Variants in FAT3 observed in about 807,000 individuals in gnomAD.
FAT3 encodes the protein protocadherin Fat 3.
In FAT3, 95 loss-of-function variants were observed where a neutral mutation model predicts 310.2. The observed-to-expected ratio is 0.31, with a 90% CI of 0.26 to 0.36. FAT3 has a LOEUF of 0.36. Ranked by LOEUF, FAT3 falls within the 10% of genes least tolerant of loss-of-function variation. FAT3 has a pLI of 1.00. For synonymous variants in FAT3, 2,314 were observed against 2,192.9 expected (o/e 1.06, Z -1.54); for missense variants, 5,408 against 5,715.6 (o/e 0.95, Z 1.74).
rs1555058203 is a variant in FAT3, at chr11:92,478,948, C to CTTTTCTTTTCTTTTCTTTTCT, written c.3293-45683_3293-45682insTCTTTTCTTTTCTTTTCTTTT. ...TTTCTTTCCTTCTCTTTCTTTCTTT[C>CTTTTCTTTTCTTTTCTTTTCT]TTTCTTTTCTTTTCTTTTCTTTTCT... is the stretch of plus-strand genomic sequence containing the variant. On this transcript the variant is annotated intron_variant, in intron 2 of 27. Coordinates refer to ENST00000525166, the MANE Select transcript of FAT3 (RefSeq NM_001367949.2). Among the ~76,000 whole-genome samples, 461 of 114,520 alleles carry CTTTTCTTTTCTTTTCTTTTCT rather than the reference C, an allele frequency of 4.0e-3. 9 individuals are homozygous for CTTTTCTTTTCTTTTCTTTTCT. The highest frequency in any genetic ancestry group is 0.015 in the African/African-American group (420 of 27,176). 75.1% of individuals were successfully genotyped at this position (114,520 alleles called of 152,430 possible).
At chr11:92,714,029 C>CTT (rs965816663) in intron 4 of FAT3, among the ~76,000 whole-genome samples, 1 of 151,954 alleles carries the variant, frequency 6.6e-6, no homozygotes, top group Admixed American at 6.6e-5. Flanking sequence ...AGGAGACTCT[C>CTT]TAACAAGTCT....
intron 1 of FAT3, among the ~76,000 whole-genome samples, chr11:92,244,488 G>A (rs1333215415): frequency 6.6e-6 from 1 of 152,108 alleles, no homozygotes; most frequent in African/African-American, 2.4e-5. Context: ...AAAAGAGCTT[G>A]CAGGTAGAAA....
intron 2 of FAT3, among the ~76,000 whole-genome samples, chr11:92,358,047 C>G (rs1948781851): frequency 6.6e-6 from 1 of 151,380 alleles, no homozygotes; most frequent in African/African-American, 2.4e-5. Flanking sequence ...GTGGTGCACG[C>G]CTGTAGTCAC....
At chr11:92,635,025 A>T (rs1941710075) in intron 3 of FAT3, among the ~76,000 whole-genome samples, 1 of 152,190 alleles carries the variant, frequency 6.6e-6, no homozygotes, top group African/African-American at 2.4e-5. Flanking sequence ...GAAACTGGCC[A>T]TGCTGATACC....
chr11:92,516,483 A>C (rs548286021), intron 2 of FAT3, among the ~76,000 whole-genome samples: 1 of 152,114 alleles, frequency 6.6e-6, no homozygotes, highest in South Asian at 2.1e-4. Flanking sequence ...TTGAGGGAAC[A>C]TATCTCAAAA....
intron 1 of FAT3, among the ~76,000 whole-genome samples, chr11:92,233,109 T>G (rs1864258101): frequency 2.6e-5 from 4 of 152,330 alleles, no homozygotes; most frequent in Admixed American, 2.6e-4. Flanking sequence ...CTGAAAGAAC[T>G]GCAGTTAGTA....
At chr11:92,744,174 A>G (rs1945586126) in intron 4 of FAT3, among the ~76,000 whole-genome samples, 1 of 152,212 alleles carries the variant, frequency 6.6e-6, no homozygotes, top group Non-Finnish European at 1.5e-5. Context: ...GTTCTAAACT[A>G]TGATATGGAT....
In FAT3 at chr11:92,496,672, G is replaced by A. The variant is rs574983354; in HGVS notation, c.3293-27962G>A. On this transcript the variant is annotated intron_variant, in intron 2 of 27. Coordinates refer to ENST00000525166, the MANE Select transcript of FAT3 (RefSeq NM_001367949.2). ...GTAATTCTGTCTCTAGGGCAGTGGT[G>A]GGGACACTGTGGACACTTACTAATT... 6.0e-4 allele frequency among the ~76,000 whole-genome samples: 91 copies of A among 152,094 alleles called. 2 individuals are homozygous for A. The highest frequency in any genetic ancestry group is 5.8e-3 in the Admixed American group (89 of 15,248).
intron 3 of FAT3, among the ~76,000 whole-genome samples, chr11:92,572,893 TG>T (rs1193284540): frequency 1.3e-5 from 2 of 152,182 alleles, no homozygotes; most frequent in African/African-American, 4.8e-5. Flanking sequence ...CATAAGAAGA[TG>T]GTGCCTAGAA....
chr11:92,798,739 A>T lies in FAT3; in HGVS notation c.5726A>T (p.Asp1909Val), dbSNP rs1717930408. Residue 1909 changes from aspartate (D) to valine (V), a missense_variant, in exon 10 of 28, where the codon GAT becomes GTT. Around this residue, in one of 5 missense-constraint regions of FAT3, gnomAD observed 4,588 missense variants for 4,809.8 expected, o/e 0.95. Transcript: ENST00000525166. ...GAGGTTCTGAAAGTTAGTGCCACAGATCCTGACTCTGAGGTACCCCCTGAA... is the reference window on the plus strand; with the variant it reads ...GAGGTTCTGAAAGTTAGTGCCACAGTTCCTGACTCTGAGGTACCCCCTGAA... The part of the protein sequence containing the change: ...GVEVLKVSAT[D>V]PDSEVPPELT... 6.2e-7 allele frequency: 1 copy of T among 1,613,818 alleles called. No individual in the cohort carries two copies. The highest frequency in any genetic ancestry group is 8.5e-7 in the Non-Finnish European group (1 of 1,179,822).
At chr11:92,320,459 G>A (rs543730530) in intron 1 of FAT3, among the ~76,000 whole-genome samples, 1 of 152,152 alleles carries the variant, frequency 6.6e-6, no homozygotes, top group African/African-American at 2.4e-5. Context: ...TAGGTAACAA[G>A]TTCACTAGTT....
intron 9 of FAT3, among the ~76,000 whole-genome samples, chr11:92,793,971 A>G (rs1391048857): frequency 6.6e-6 from 1 of 152,196 alleles, no homozygotes; most frequent in African/African-American, 2.4e-5. Flanking sequence ...ATGATAACTT[A>G]GAACTATTTC....
At position 92,659,331 on chromosome 11, in the gene FAT3, T is replaced by C. The variant is rs565170885; in HGVS notation, c.3608-38053T>C. ...GAAGAATAGAACTCAGGGAATAAAA[T>C]AATACAGGTCCCCATTGTAATATGA... On this transcript the variant is annotated intron_variant, in intron 3 of 27. Coordinates refer to ENST00000525166, the MANE Select transcript of FAT3 (RefSeq NM_001367949.2). Among the ~76,000 whole-genome samples, 9 of 152,298 alleles carry C rather than the reference T, an allele frequency of 5.9e-5. No individual in the cohort carries two copies. The South Asian group carries it at 8.3e-4, about 14-fold the overall frequency.
intron 2 of FAT3, among the ~76,000 whole-genome samples, chr11:92,463,829 A>G (rs1016279011): frequency 9.2e-5 from 14 of 152,204 alleles, no homozygotes; most frequent in African/African-American, 3.4e-4. Flanking sequence ...CTTGAATTGC[A>G]GTTCTCCGAC....
chr11:92,432,778 T>C (rs1230743084), intron 2 of FAT3, among the ~76,000 whole-genome samples: 1 of 152,196 alleles, frequency 6.6e-6, no homozygotes, highest in Non-Finnish European at 1.5e-5. Context: ...GGAGATCTGC[T>C]GCCCTCTTCA....
At chr11:92,879,065 A>G (rs890402172) in intron 22 of FAT3, among the ~76,000 whole-genome samples, 34 of 152,136 alleles carry the variant, frequency 2.2e-4, no homozygotes, top group African/African-American at 8.0e-4. Context: ...GAAAAAAAAA[A>G]CAAGTTACAT....
intron 2 of FAT3, among the ~76,000 whole-genome samples, chr11:92,480,691 G>A (rs1384167919): frequency 6.6e-6 from 1 of 152,090 alleles, no homozygotes; most frequent in Admixed American, 6.5e-5. Context: ...GAAAGTGGAA[G>A]CAATGCACAT....
intron 1 of FAT3, among the ~76,000 whole-genome samples, chr11:92,296,901 A>G (rs1489835002): frequency 1.3e-5 from 2 of 152,068 alleles, no homozygotes; most frequent in African/African-American, 4.8e-5. Flanking sequence ...GTGCCATTTA[A>G]ACAACATAGT....
Position 92,890,837 on chromosome 11 carries a change from A to C in FAT3, c.13494A>C (p.Pro4498=), listed in dbSNP as rs1285401254. The change falls in exon 28 of 28, where the codon CCA becomes CCC. Residue 4498 remains proline, a synonymous_variant. Transcript: ENST00000525166. ...FHPSQYLPPH[P]FPNETDLVGP... Reference sequence around the variant, plus strand: ...CTAGCCAGTATCTCCCTCCTCACCCATTCCCCAACGAAACGGATTTGGTGG... The same window carrying C: ...CTAGCCAGTATCTCCCTCCTCACCCCTTCCCCAACGAAACGGATTTGGTGG... 1 of 1,612,730 alleles carries C rather than the reference A, an allele frequency of 6.2e-7. No homozygotes were observed. The highest frequency in any genetic ancestry group is 1.1e-5 in the South Asian group (1 of 91,028).
Sources: gnomAD v4.1 joint callset for allele counts (sites outside exome capture counted in the v4.1 genomes callset) on GRCh38, gnomAD v4.1.1 for gene constraint, gnomAD v4.1.1 regional missense constraint, MANE v1.5 for transcripts, NCBI Gene and HGNC (gene_info 2026-07-23, HGNC 2026-07-21) for gene names.